The following KIF21A variants were observed in gnomAD, a reference collection of about 807,000 sequenced individuals.
The protein encoded by KIF21A is kinesin-like protein KIF21A.
In KIF21A, 114 loss-of-function variants were observed where a neutral mutation model predicts 202.9. The ratio of observed to expected loss-of-function variants is 0.56; its 90% CI spans 0.48 to 0.66. The LOEUF is 0.66. Ranked by LOEUF, KIF21A falls within the 30% of genes least tolerant of loss-of-function variation. The pLI is 0.00. For missense variants in KIF21A, 1,677 were observed against 1,994.9 expected, an observed-to-expected ratio of 0.84 and a Z score of 3.04; for synonymous variants, 667 against 670.8, an observed-to-expected ratio of 0.99 and a Z score of 0.09.
At chr12:39,380,996 A>C (rs2139424365) in intron 1 of KIF21A, among the ~76,000 whole-genome samples, 1 of 152,206 alleles carries the variant, frequency 6.6e-6, no homozygotes, top group East Asian at 1.9e-4. Context: ...TCTTCATAAT[A>C]GTATATGTTT....
chr12:39,375,378 C>T (rs1486700555), intron 1 of KIF21A, among the ~76,000 whole-genome samples: 1 of 152,134 alleles, frequency 6.6e-6, no homozygotes, highest in Non-Finnish European at 1.5e-5. Context: ...AGTTCCTGCA[C>T]ATTCTTGCTG....
At chr12:39,369,099 C>T (rs1172939323) in intron 3 of KIF21A, among the ~76,000 whole-genome samples, 2 of 152,152 alleles carry the variant, frequency 1.3e-5, no homozygotes, top group African/African-American at 4.8e-5. Context: ...CTACTTTTGG[C>T]CTTAGTCATT....
intron 1 of KIF21A, among the ~76,000 whole-genome samples, chr12:39,437,302 GACCTGAA>G (rs1245646528): frequency 6.6e-6 from 1 of 152,142 alleles, no homozygotes; most frequent in Non-Finnish European, 1.5e-5. Context: ...GTAATAATTA[GACCTGAA>G]ACCTGAAGTT....
chr12:39,339,084 G>C (rs1947226451), intron 16 of KIF21A, among the ~76,000 whole-genome samples: 1 of 152,006 alleles, frequency 6.6e-6, no homozygotes, highest in Non-Finnish European at 1.5e-5. Flanking sequence ...TTTGAGACCA[G>C]CCTGACCAAT....
intron 15 of KIF21A, 109 bp downstream of exon 15, chr12:39,340,797 C>CA: frequency 1.3e-6 from 1 of 775,178 alleles, no homozygotes. Context: ...AAATAAATAA[C>CA]AAAAAAGGGT....
At chr12:39,317,951 G>GC (rs1944750037) in intron 29 of KIF21A, 122 bp downstream of exon 29, 2 of 991,008 alleles carry the variant, frequency 2.0e-6, no homozygotes. Context: ...ATAAAATATG[G>GC]CAAGAGTTCA....
Position 39,442,158 on chromosome 12 carries a change from G to A in KIF21A, c.44+769C>T, listed in dbSNP as rs964537680. ...ATTTCCAGACTCACACCCTGGCCTG[G>A]GTAACGTTACGATTACATTGTATCC... is the stretch of plus-strand genomic sequence containing the variant. On this transcript the variant is annotated intron_variant, in intron 1 of 37. Transcript: ENST00000361418. The surrounding 1 kb of genome is among the most constrained non-coding windows in gnomAD (Gnocchi z 5.0). Among the ~76,000 whole-genome samples the A allele has an allele frequency of 1.1e-4, 16 of 152,028 alleles. No individual in the cohort carries two copies. Among genetic ancestry groups the A allele is most frequent in the African/African-American group, 3.9e-4 (16 of 41,376 alleles).
chr12:39,350,072 G>T (rs1471681375), intron 11 of KIF21A, among the ~76,000 whole-genome samples: 1 of 151,726 alleles, frequency 6.6e-6, no homozygotes, highest in Non-Finnish European at 1.5e-5. Context: ...TTTCTTATCT[G>T]GCTCACTCAC....
At chr12:39,358,107 G>C in intron 8 of KIF21A, 71 bp downstream of exon 8, 20 of 1,247,364 alleles carry the variant, frequency 1.6e-5, no homozygotes, top group Non-Finnish European at 2.2e-5. Context: ...GTATGTGTAA[G>C]GCATTATTGT....
intron 36 of KIF21A, 59 bp downstream of exon 36, chr12:39,302,906 A>G: frequency 7.2e-7 from 1 of 1,395,928 alleles, no homozygotes; most frequent in Non-Finnish European, 1.0e-6. Flanking sequence ...AAGTTCTTCT[A>G]CAGGCTACAG....
At chr12:39,440,586 TC>T (rs1939429916) in intron 1 of KIF21A, among the ~76,000 whole-genome samples, 1 of 152,188 alleles carries the variant, frequency 6.6e-6, no homozygotes, top group Non-Finnish European at 1.5e-5. Flanking sequence ...GTATATATCT[TC>T]AATAAATAAT....
At chr12:39,307,859 C>G (rs1232075425) in intron 33 of KIF21A, 130 bp from the exon 34 acceptor site, 1 of 720,038 alleles carries the variant, frequency 1.4e-6, no homozygotes, top group East Asian at 2.7e-5. Flanking sequence ...TATATGTATA[C>G]TACCTAGCAC....
At chr12:39,371,354 C>T (rs943959541) in intron 1 of KIF21A, among the ~76,000 whole-genome samples, 9 of 151,496 alleles carry the variant, frequency 5.9e-5, no homozygotes, top group Admixed American at 1.3e-4. Context: ...GGAAGACCAC[C>T]GCACTACACC....
Position 39,322,901 on chromosome 12 carries a change from G to A in KIF21A, c.3457-19C>T, listed in dbSNP as rs755866459. 3 of 1,491,130 alleles carry A rather than the reference G, an allele frequency of 2.0e-6. No individual in the cohort carries two copies. Among genetic ancestry groups the A allele is most frequent in the Non-Finnish European group, 1.8e-6 (2 of 1,120,790 alleles). 92.4% of individuals were successfully genotyped at this position (1,491,130 alleles called of 1,614,324 possible). On this transcript the variant is annotated intron_variant, in intron 26 of 37. Transcript: ENST00000361418. Reference sequence around the variant, plus strand: ...TTCGGGCCTAGTCAAAGAATGGAAGGAAAAGCAATCAGGAGCAAACTCTTG... The same window carrying A: ...TTCGGGCCTAGTCAAAGAATGGAAGAAAAAGCAATCAGGAGCAAACTCTTG...
rs571247823 is a variant in KIF21A at position 39,322,687 on chromosome 12, G to T, written c.3652C>A (p.Pro1218Thr). The change falls in exon 27 of 38, where the codon CCT becomes ACT. Residue 1218 changes from proline (P) to threonine (T), a missense_variant. Physicochemically the swap from Pro to Thr is conservative, Grantham distance 38. Coordinates refer to ENST00000361418, the MANE Select transcript of KIF21A (RefSeq NM_001173464.2). ...EKELSPPPGLPSKIGSISRQS... is the reference protein window; with the variant it reads ...EKELSPPPGLTSKIGSISRQS... ...ACTTACATGCTGCCTATCTTAGAAG[G>T]TAAGCCAGGTGGGGGAGAGAGCTCT... 72 of 1,613,966 alleles carry T rather than the reference G, an allele frequency of 4.5e-5. 2 individuals are homozygous for T. The South Asian group carries it at 7.5e-4, about 17-fold the overall frequency.
intron 1 of KIF21A, among the ~76,000 whole-genome samples, chr12:39,402,285 T>C (rs1952226699): frequency 6.6e-6 from 1 of 151,964 alleles, no homozygotes; most frequent in Non-Finnish European, 1.5e-5. Context: ...AGAACAGGAG[T>C]TGGATCAATG....
At chr12:39,389,545 A>G (rs17127100) in intron 1 of KIF21A, among the ~76,000 whole-genome samples, 1 of 152,122 alleles carries the variant, frequency 6.6e-6, no homozygotes, top group Non-Finnish European at 1.5e-5. Flanking sequence ...CCACCAGTCC[A>G]TAATACCCAA....
chr12:39,353,337 T>C (rs1004953702), intron 10 of KIF21A, among the ~76,000 whole-genome samples: 3 of 152,162 alleles, frequency 2.0e-5, no homozygotes, highest in Non-Finnish European at 4.4e-5. Flanking sequence ...ACACATTCTT[T>C]AATGAAATTG....
chr12:39,359,919 T>C (rs1416496894), intron 7 of KIF21A, among the ~76,000 whole-genome samples: 1 of 152,156 alleles, frequency 6.6e-6, no homozygotes, highest in African/African-American at 2.4e-5. Flanking sequence ...TATAGATCAG[T>C]TCAAGTGTTT....
Sources: gnomAD v4.1 joint callset for allele counts (sites outside exome capture counted in the v4.1 genomes callset) on GRCh38, gnomAD v4.1.1 for gene constraint, Gnocchi (gnomAD v3.1) non-coding constraint, MANE v1.5 for transcripts, NCBI Gene and HGNC (gene_info 2026-07-23, HGNC 2026-07-21) for gene names.